R3HDM2: variants seen among roughly 807,000 people sequenced by gnomAD.
The protein encoded by R3HDM2 is R3H domain containing 2.
Under a neutral mutation model 124.5 loss-of-function variants are expected in R3HDM2, and 38 were observed. That is an observed-to-expected ratio of 0.31 (90% CI 0.24 to 0.40). R3HDM2 has a LOEUF of 0.40. R3HDM2 is among the 10% of genes least tolerant of loss of function. The probability of loss-of-function intolerance (pLI) is 1.00; values close to 1 mark genes in which losing one functional copy is unlikely to be tolerated. For missense variants in R3HDM2, 869 were observed against 1,236.9 expected, an observed-to-expected ratio of 0.70 and a Z score of 4.46; for synonymous variants, 391 against 448.0, an observed-to-expected ratio of 0.87 and a Z score of 1.61.
At chr12:57,309,431 C>A (rs954671712) in intron 3 of R3HDM2, among the ~76,000 whole-genome samples, 6 of 152,310 alleles carry the variant, frequency 3.9e-5, no homozygotes, top group Middle Eastern at 6.8e-3. Context: ...AAGAACCCCA[C>A]AAGGAAGTTT....
intron 3 of R3HDM2, among the ~76,000 whole-genome samples, chr12:57,308,839 A>G (rs1321490533): frequency 6.6e-6 from 1 of 152,236 alleles, no homozygotes; most frequent in Admixed American, 6.5e-5. Context: ...TTCATGTAAC[A>G]TGACAGCACA....
At chr12:57,373,424 C>G (rs1485388785) in intron 2 of R3HDM2, among the ~76,000 whole-genome samples, 1 of 151,962 alleles carries the variant, frequency 6.6e-6, no homozygotes, top group African/African-American at 2.4e-5. Flanking sequence ...GGCATGACCC[C>G]AGAGGCGGAG....
intron 2 of R3HDM2, among the ~76,000 whole-genome samples, chr12:57,386,673 C>T (rs1251158426): frequency 6.6e-6 from 1 of 152,256 alleles, no homozygotes; most frequent in African/African-American, 2.4e-5. Context: ...GCAGGACTCG[C>T]AGGCAGCTCC....
chr12:57,428,517 G>C (rs1374557045), intron 1 of R3HDM2, among the ~76,000 whole-genome samples: 1 of 145,470 alleles, frequency 6.9e-6, no homozygotes, highest in Non-Finnish European at 1.5e-5. Flanking sequence ...TGGGGGGCGT[G>C]GTGGGGGGGC....
intron 2 of R3HDM2, among the ~76,000 whole-genome samples, chr12:57,345,466 CAAT>C (rs946885038): frequency 6.6e-6 from 1 of 151,190 alleles, no homozygotes; most frequent in African/African-American, 2.4e-5. Flanking sequence ...GTTATTAAGG[CAAT>C]AATGATTCAA....
intron 2 of R3HDM2, among the ~76,000 whole-genome samples, chr12:57,385,261 G>A (rs75951410): frequency 1.1e-4 from 11 of 103,208 alleles, no homozygotes; most frequent in African/African-American, 3.6e-4. Flanking sequence ...TTTTTTTTTT[G>A]AGACGGAGTC....
intron 17 of R3HDM2, 96 bp from the exon 18 acceptor site, chr12:57,268,553 TC>T: frequency 7.8e-7 from 1 of 1,279,990 alleles, no homozygotes; most frequent in Non-Finnish European, 1.1e-6. Flanking sequence ...CATTACAACT[TC>T]CTTCCCTACC....
At chr12:57,415,830 C>T (rs1046884903) in intron 1 of R3HDM2, among the ~76,000 whole-genome samples, 10 of 151,982 alleles carry the variant, frequency 6.6e-5, no homozygotes, top group South Asian at 2.1e-4. Context: ...TCAAAACAAT[C>T]GGCCTGGACA....
chr12:57,402,425 T>C (rs2068125160), intron 1 of R3HDM2, among the ~76,000 whole-genome samples: 2 of 152,116 alleles, frequency 1.3e-5, no homozygotes, highest in African/African-American at 4.8e-5. Context: ...TTCAGCTCAT[T>C]GCAACCTCCA....
At chr12:57,328,684 A>G (rs956649296) in intron 2 of R3HDM2, among the ~76,000 whole-genome samples, 2 of 152,078 alleles carry the variant, frequency 1.3e-5, no homozygotes, top group Admixed American at 1.3e-4. Flanking sequence ...GACTCCAGGT[A>G]TGTGTCACTG....
At chr12:57,391,173 T>C (rs1328338359) in intron 2 of R3HDM2, among the ~76,000 whole-genome samples, 2 of 151,980 alleles carry the variant, frequency 1.3e-5, no homozygotes, top group African/African-American at 4.8e-5. Context: ...TAGATGAAAA[T>C]TGGAACCAAC....
Position 57,269,877 on chromosome 12 carries a change from G to C in R3HDM2, c.1462C>G (p.Gln488Glu). 4 of 1,614,220 alleles carry C rather than the reference G, an allele frequency of 2.5e-6. No homozygotes were observed. The highest frequency in any genetic ancestry group is 3.4e-6 in the Non-Finnish European group (4 of 1,180,048). The change falls in exon 15 of 24, where the codon CAG becomes GAG. Residue 488 changes from glutamine (Q) to glutamate (E), a missense_variant. Gln to Glu is a conservative substitution (Grantham distance 29). Around this residue, in one of 2 missense-constraint regions of R3HDM2, gnomAD observed 602 missense variants for 789.2 expected, o/e 0.76. Transcript: ENST00000402412. ...QTPLISQHPQ[Q>E]TSFIMASTGQ... The stretch of plus-strand genomic sequence containing the variant: ...GTGGAAGCCATGATGAAGCTAGTCT[G>C]CTGAGGGTGCTGGGAGATAAGTGGG...
intron 2 of R3HDM2, among the ~76,000 whole-genome samples, chr12:57,375,646 TA>T (rs1477417050): frequency 4.0e-5 from 6 of 151,746 alleles, no homozygotes; most frequent in African/African-American, 1.5e-4. Context: ...ATGGTCCATT[TA>T]AAGTACTTAT....
chr12:57,286,090 C>A (rs1405744520), intron 12 of R3HDM2, among the ~76,000 whole-genome samples: 2 of 152,168 alleles, frequency 1.3e-5, no homozygotes, highest in Non-Finnish European at 2.9e-5. Context: ...GAATGCTACC[C>A]AGATTCAATT....
chr12:57,277,066 A>C (rs1208233475), intron 14 of R3HDM2, among the ~76,000 whole-genome samples: 1 of 147,066 alleles, frequency 6.8e-6, no homozygotes, highest in Non-Finnish European at 1.5e-5. Flanking sequence ...TACTGCCTGT[A>C]CTCCAATAAC....
intron 13 of R3HDM2, among the ~76,000 whole-genome samples, chr12:57,283,354 C>T (rs1283219313): frequency 6.6e-6 from 1 of 151,944 alleles, no homozygotes; most frequent in Non-Finnish European, 1.5e-5. Flanking sequence ...GGACTAAATC[C>T]AAGCAAGGAC....
At chr12:57,303,265 T>C in intron 3 of R3HDM2, 48 bp from the exon 4 acceptor site, 7 of 1,437,692 alleles carry the variant, frequency 4.9e-6, no homozygotes, top group Non-Finnish European at 5.7e-6. Context: ...AAAATCGACA[T>C]GTAAGTTAAA....
chr12:57,392,035 C>G (rs2066764131), intron 2 of R3HDM2, among the ~76,000 whole-genome samples: 1 of 152,082 alleles, frequency 6.6e-6, no homozygotes, highest in Non-Finnish European at 1.5e-5. Flanking sequence ...TGGTGGTGGG[C>G]ACCTGTAATC....
intron 14 of R3HDM2, among the ~76,000 whole-genome samples, chr12:57,274,441 C>T (rs746705929): frequency 2.6e-5 from 4 of 152,204 alleles, no homozygotes; most frequent in African/African-American, 7.2e-5. Context: ...ACCACCACTG[C>T]ACTCCAGCCT....
Sources: allele counts gnomAD v4.1 joint callset (sites outside exome capture counted in the v4.1 genomes callset), GRCh38; gene constraint gnomAD v4.1.1; regional missense constraint gnomAD v4.1.1; transcripts MANE v1.5; gene names NCBI Gene and HGNC (gene_info 2026-07-23, HGNC 2026-07-21).